The following SELENOI variants were observed in gnomAD, a reference collection of about 807,000 sequenced individuals.
SELENOI encodes the protein ethanolaminephosphotransferase 1.
In SELENOI, 24 loss-of-function variants were observed where a neutral mutation model predicts 50.7. That is an observed-to-expected ratio of 0.47 (90% CI 0.34 to 0.67). SELENOI has a LOEUF of 0.67. Among genes scored for constraint, SELENOI ranks in the 30% least tolerant of loss-of-function variants. The pLI, the probability that SELENOI is intolerant of heterozygous loss-of-function variation, is 0.01. For synonymous variants in SELENOI, 155 were observed against 170.2 expected, an observed-to-expected ratio of 0.91 and a Z score of 0.70; for missense variants, 352 against 461.4, an observed-to-expected ratio of 0.76 and a Z score of 2.17.
intron 4 of SELENOI, among the ~76,000 whole-genome samples, chr2:26,370,981 A>AC (rs1252258886): frequency 3.8e-5 from 4 of 105,624 alleles, no homozygotes; most frequent in South Asian, 3.2e-4. Context: ...CGGGGGGCTG[A>AC]CCCCCCCACC....
chr2:26,357,196 A>G (rs945589565), intron 1 of SELENOI, among the ~76,000 whole-genome samples: 1 of 152,212 alleles, frequency 6.6e-6, no homozygotes, highest in Non-Finnish European at 1.5e-5. Flanking sequence ...TTCTTTTGCC[A>G]TAAATCAATT....
intron 6 of SELENOI, among the ~76,000 whole-genome samples, chr2:26,380,069 A>G (rs1418544324): frequency 6.6e-6 from 1 of 152,218 alleles, no homozygotes; most frequent in African/African-American, 2.4e-5. Flanking sequence ...TTATGCCACC[A>G]GTTGTGGATT....
chr2:26,364,513 C>A, intron 2 of SELENOI, 143 bp downstream of exon 2: 1 of 611,188 alleles, frequency 1.6e-6, no homozygotes, highest in Non-Finnish European at 2.8e-6. Context: ...TACCCCAAAT[C>A]ACATACCTTT....
At chr2:26,355,307 G>C (rs1677041987) in intron 1 of SELENOI, among the ~76,000 whole-genome samples, 1 of 152,208 alleles carries the variant, frequency 6.6e-6, no homozygotes, top group Non-Finnish European at 1.5e-5. Flanking sequence ...GAGTAATAAG[G>C]AGTCTGTCTA....
In SELENOI at chr2:26,395,790, G is replaced by A. The variant is rs185959585; in HGVS notation, c.*6687G>A. 4.5e-3 allele frequency: 686 copies of A among 152,616 alleles called. 6 individuals are homozygous for A. The highest frequency in any genetic ancestry group is 7.4e-3 in the Non-Finnish European group (504 of 68,014). 9.5% of individuals were successfully genotyped at this position (152,616 alleles called of 1,614,324 possible). On this transcript the variant is annotated 3_prime_UTR_variant, in exon 10 of 10. Coordinates refer to ENST00000260585, the MANE Select transcript of SELENOI (RefSeq NM_033505.4). ...GTTTCTGCTGCTGTGAAACCCCAAA[G>A]TAATGCAGTAGGTTTTAATTGAAAA...
At chr2:26,356,823 T>C (rs1677074030) in intron 1 of SELENOI, among the ~76,000 whole-genome samples, 1 of 152,138 alleles carries the variant, frequency 6.6e-6, no homozygotes, top group Non-Finnish European at 1.5e-5. Flanking sequence ...TCATTTTATA[T>C]CACCCTTCTT....
Position 26,370,564 on chromosome 2 carries a change from G to A in SELENOI, c.311-2803G>A, listed in dbSNP as rs1315295097. On this transcript the variant is annotated intron_variant, in intron 4 of 9. Transcript: ENST00000260585. ...TCCTCACGTCCCAGTAGGGGCCACC[G>A]GGCAGAGGCGCCCCTCACCTCCCGG... Among the ~76,000 whole-genome samples, 5 of 93,120 alleles carry A rather than the reference G, an allele frequency of 5.4e-5. No homozygotes were observed. In the East Asian group the frequency reaches 1.4e-3, roughly 26 times the overall value. The allele number at this position is 93,120 out of a possible 152,430, so 61.1% of individuals were successfully genotyped here. A position where few individuals can be genotyped will look rare whatever the true frequency, so the allele number is the denominator to read the frequency against.
chr2:26,350,841 GGAGA>G (rs141682950), intron 1 of SELENOI, among the ~76,000 whole-genome samples: 3 of 151,808 alleles, frequency 2.0e-5, no homozygotes, highest in South Asian at 2.1e-4. Flanking sequence ...ATAGAGAGAA[GGAGA>G]GAGAGAGAGA....
intron 1 of SELENOI, among the ~76,000 whole-genome samples, chr2:26,362,098 A>G (rs887242289): frequency 7.9e-5 from 12 of 152,064 alleles, no homozygotes; most frequent in Admixed American, 5.9e-4. Context: ...ACTCTTTGCT[A>G]AAAGAGTTGA....
At position 26,392,113 on chromosome 2, in the gene SELENOI, G is replaced by A. The variant is rs946221642; in HGVS notation, c.*3010G>A. On this transcript the variant is annotated 3_prime_UTR_variant, in exon 10 of 10. Transcript: ENST00000260585. Reference sequence around the variant, plus strand: ...CCATCATGTTATTTATTCTAATATAGAGGCATTGAGAGGAGGGGAGTGTAT... The same window carrying A: ...CCATCATGTTATTTATTCTAATATAAAGGCATTGAGAGGAGGGGAGTGTAT... 6.6e-6 allele frequency: 1 copy of A among 152,092 alleles called. No individual in the cohort carries two copies. The highest frequency in any genetic ancestry group is 6.6e-5 in the Admixed American group (1 of 15,256). 9.4% of individuals were successfully genotyped at this position (152,092 alleles called of 1,614,324 possible).
In SELENOI at chr2:26,389,650, A is replaced by G. The variant is rs940392772; in HGVS notation, c.*547A>G. 1 of 153,800 alleles carries G rather than the reference A, an allele frequency of 6.5e-6. No individual in the cohort carries two copies. Among genetic ancestry groups the G allele is most frequent in the African/African-American group, 2.4e-5 (1 of 41,456 alleles). 9.5% of individuals were successfully genotyped at this position (153,800 alleles called of 1,614,324 possible). Reference sequence around the variant, plus strand: ...TGAAAATGGCTTTTGTTCTCAAATGATAAGAGAGCTAATACATTTAGCTAA... The same window carrying G: ...TGAAAATGGCTTTTGTTCTCAAATGGTAAGAGAGCTAATACATTTAGCTAA... On this transcript the variant is annotated 3_prime_UTR_variant, in exon 10 of 10. Coordinates refer to ENST00000260585, the MANE Select transcript of SELENOI (RefSeq NM_033505.4).
chr2:26,385,051 C>T lies in SELENOI; in HGVS notation c.824C>T (p.Ala275Val), dbSNP rs369548288. 2.2e-5 allele frequency: 35 copies of T among 1,612,892 alleles called. No individual in the cohort carries two copies. The African/African-American group carries it at 4.1e-4, about 19-fold the overall frequency. Reference sequence around the variant, plus strand: ...TGCTTGCTGTTCATTTTGTCTACAGCGTGGATCCTTTGGTCACCTTCAGAT... The same window carrying T: ...TGCTTGCTGTTCATTTTGTCTACAGTGTGGATCCTTTGGTCACCTTCAGAT... ...SPCLLFILST[A>V]WILWSPSDIL... is the part of the protein sequence containing the mutation. Residue 275 changes from alanine to valine, a missense_variant, in exon 8 of 10, where the codon GCG (alanine) becomes GTG (valine). Physicochemically the swap from Ala to Val is moderately conservative, Grantham distance 64. Transcript: ENST00000260585.
At chr2:26,349,431 T>C (rs1230940375) in intron 1 of SELENOI, among the ~76,000 whole-genome samples, 25 of 151,548 alleles carry the variant, frequency 1.6e-4, no homozygotes, top group African/African-American at 6.1e-4. Context: ...CTCAGCCTCC[T>C]GAGTAGCTGG....
intron 8 of SELENOI, 27 bp from the exon 9 acceptor site, chr2:26,386,323 TTCTC>T: frequency 6.3e-7 from 1 of 1,582,876 alleles, no homozygotes; most frequent in Non-Finnish European, 8.5e-7. Flanking sequence ...TTTTCTTTTT[TTCTC>T]TCTTATTTTT....
rs372567603 is a variant in SELENOI, at chr2:26,373,452, A to G, written c.396A>G (p.Ser132=). 3.7e-6 allele frequency: 6 copies of G among 1,613,762 alleles called. No homozygotes were observed. The highest frequency in any genetic ancestry group is 1.7e-5 in the Admixed American group (1 of 59,990). ...TTGATCATGGCCTGGATAGTTGGTC[A>G]TGTGTTTACTTTGTTGTGACTGTTT... is the stretch of plus-strand genomic sequence containing the variant. The part of the protein sequence containing the change: ...ELFDHGLDSW[S]CVYFVVTVYS... Residue 132 remains serine (S), a synonymous_variant, in exon 5 of 10, where the codon TCA becomes TCG. Transcript: ENST00000260585.
rs1020222737 is a variant in SELENOI at position 26,392,744 on chromosome 2, A to C, written c.*3641A>C. ...GATACAGAAATCTTTGGTTGTGTGG[A>C]TGCCTGTGTTCAGAGTGGCCTTATC... On this transcript the variant is annotated 3_prime_UTR_variant, in exon 10 of 10. Transcript: ENST00000260585. 5 of 152,366 alleles carry C rather than the reference A, an allele frequency of 3.3e-5. No individual in the cohort carries two copies. The highest frequency in any genetic ancestry group is 3.4e-3 in the Middle Eastern group (1 of 294). 9.4% of individuals were successfully genotyped at this position (152,366 alleles called of 1,614,324 possible).
intron 3 of SELENOI, 148 bp from the exon 4 acceptor site, chr2:26,366,997 AT>A: frequency 1.7e-6 from 1 of 598,556 alleles, no homozygotes; most frequent in Non-Finnish European, 2.6e-6. Flanking sequence ...GTTTCCTGGT[AT>A]TATTTACGTA....
intron 1 of SELENOI, among the ~76,000 whole-genome samples, chr2:26,355,745 CT>C (rs1187044204): frequency 1.1e-3 from 156 of 141,148 alleles, no homozygotes; most frequent in Admixed American, 1.3e-3. Context: ...CTCTCTCTCC[CT>C]TTTTTTTTTT....
intron 7 of SELENOI, among the ~76,000 whole-genome samples, chr2:26,384,465 T>A (rs577065130): frequency 1.3e-5 from 2 of 152,344 alleles, no homozygotes; most frequent in Non-Finnish European, 2.9e-5. Flanking sequence ...TATAACCTCC[T>A]GTGTGCTTAG....
Sources: gnomAD v4.1 joint callset for allele counts (sites outside exome capture counted in the v4.1 genomes callset) on GRCh38, gnomAD v4.1.1 for gene constraint, MANE v1.5 for transcripts, NCBI Gene and HGNC (gene_info 2026-07-23, HGNC 2026-07-21) for gene names.